CSMD1: variants seen among roughly 807,000 people sequenced by gnomAD.
CSMD1 encodes the protein CUB and Sushi multiple domains 1.
CSMD1 carries 213 observed loss-of-function variants against 417.5 expected under a neutral mutation model. The ratio of observed to expected loss-of-function variants is 0.51; its 90% CI spans 0.46 to 0.57. The LOEUF (loss-of-function observed/expected upper bound fraction) is 0.57, where lower values mean the gene tolerates loss of function less well. Ranked by LOEUF, CSMD1 falls within the 20% of genes least tolerant of loss-of-function variation. The pLI, the probability that CSMD1 is intolerant of heterozygous loss-of-function variation, is 0.00. For missense variants in CSMD1, 6,923 were observed against 4,529.7 expected, an observed-to-expected ratio of 1.53 and a Z score of -15.17; for synonymous variants, 2,862 against 1,736.8, an observed-to-expected ratio of 1.65 and a Z score of -16.11.
intron 5 of CSMD1, among the ~76,000 whole-genome samples, chr8:3,826,770 A>G (rs1380977383): frequency 6.6e-5 from 10 of 151,506 alleles, no homozygotes; most frequent in Admixed American, 5.2e-4. Flanking sequence ...AGCATTGAAC[A>G]TATTTTTATT....
At chr8:4,872,557 C>G (rs1008319210) in intron 1 of CSMD1, among the ~76,000 whole-genome samples, 4 of 152,014 alleles carry the variant, frequency 2.6e-5, no homozygotes, top group Non-Finnish European at 5.9e-5. Flanking sequence ...TTCCCCAACC[C>G]TGCAGAACTG....
chr8:3,799,896 T>C (rs574939734), intron 5 of CSMD1, among the ~76,000 whole-genome samples: 2 of 152,256 alleles, frequency 1.3e-5, no homozygotes, highest in African/African-American at 2.4e-5. Context: ...TGCTATATAA[T>C]TGAAAAATTA....
chr8:3,435,752 G>C (rs577292098), intron 12 of CSMD1, among the ~76,000 whole-genome samples: 1 of 152,072 alleles, frequency 6.6e-6, no homozygotes, highest in Non-Finnish European at 1.5e-5. Flanking sequence ...GTTCTTCCTC[G>C]AACAATGTGT....
intron 2 of CSMD1, among the ~76,000 whole-genome samples, chr8:4,588,655 G>A (rs557578059): frequency 1.6e-3 from 240 of 151,906 alleles, no homozygotes; most frequent in African/African-American, 5.6e-3. Context: ...CGTGGTGGCG[G>A]GCGCCTTTAG....
intron 3 of CSMD1, among the ~76,000 whole-genome samples, chr8:4,320,053 C>T (rs895823993): frequency 6.6e-6 from 1 of 152,046 alleles, no homozygotes; most frequent in South Asian, 2.1e-4. Context: ...GAGTAGTAAA[C>T]AAAAGACTTC....
intron 1 of CSMD1, among the ~76,000 whole-genome samples, chr8:4,711,981 A>T (rs2116867539): frequency 6.6e-6 from 1 of 152,320 alleles, no homozygotes; most frequent in African/African-American, 2.4e-5. Context: ...AACTCAAGTC[A>T]GTGATTTGAA....
At chr8:4,545,855 T>C (rs890164575) in intron 2 of CSMD1, among the ~76,000 whole-genome samples, 1 of 152,200 alleles carries the variant, frequency 6.6e-6, no homozygotes, top group African/African-American at 2.4e-5. Flanking sequence ...GGAAGATCAT[T>C]TCATCAGGTG....
At chr8:4,845,065 A>ACTGT (rs1563569912) in intron 1 of CSMD1, among the ~76,000 whole-genome samples, 1 of 84,588 alleles carries the variant, frequency 1.2e-5, no homozygotes, top group East Asian at 2.4e-3. Context: ...TAATGTAAAA[A>ACTGT]CTATCTATCT....
intron 3 of CSMD1, among the ~76,000 whole-genome samples, chr8:4,262,362 A>T (rs910511160): frequency 1.3e-5 from 2 of 152,166 alleles, no homozygotes; most frequent in African/African-American, 4.8e-5. Flanking sequence ...TTCCCAGGAC[A>T]CATAAGCAGG....
chr8:3,756,621 C>T (rs1206047775), intron 5 of CSMD1, among the ~76,000 whole-genome samples: 2 of 152,124 alleles, frequency 1.3e-5, no homozygotes, highest in Non-Finnish European at 2.9e-5. Flanking sequence ...TGTAAGTTTC[C>T]ATTTCATATG....
intron 10 of CSMD1, among the ~76,000 whole-genome samples, chr8:3,569,092 C>G (rs372304357): frequency 1.3e-5 from 2 of 152,138 alleles, no homozygotes; most frequent in African/African-American, 2.4e-5. Flanking sequence ...CATTGACTTT[C>G]TACCAGAATA....
chr8:3,492,571 G>C (rs951440958), intron 11 of CSMD1, among the ~76,000 whole-genome samples: 1 of 152,220 alleles, frequency 6.6e-6, no homozygotes, highest in Non-Finnish European at 1.5e-5. Context: ...CTTAAAAACA[G>C]AGAGGAAGTA....
At chr8:3,904,063 T>C (rs1807947725) in intron 5 of CSMD1, among the ~76,000 whole-genome samples, 1 of 152,180 alleles carries the variant, frequency 6.6e-6, no homozygotes, top group Non-Finnish European at 1.5e-5. Context: ...TTCCTGCAGG[T>C]GTGATATCTT....
intron 3 of CSMD1, among the ~76,000 whole-genome samples, chr8:4,200,980 C>G (rs1234104360): frequency 6.6e-6 from 1 of 152,154 alleles, no homozygotes; most frequent in Non-Finnish European, 1.5e-5. Context: ...TATTAGTTTA[C>G]TTTTTCTCCA....
chr8:4,021,487 C>T (rs1256055117), intron 4 of CSMD1, among the ~76,000 whole-genome samples: 1 of 152,174 alleles, frequency 6.6e-6, no homozygotes, highest in Non-Finnish European at 1.5e-5. Context: ...GCAGTTGAAT[C>T]CGCTACATCC....
chr8:3,321,197 C>G (rs1227832076), intron 23 of CSMD1, among the ~76,000 whole-genome samples: 1 of 152,050 alleles, frequency 6.6e-6, no homozygotes, highest in East Asian at 1.9e-4. Flanking sequence ...TAGTCTAAGC[C>G]TTCCTCACTG....
Position 3,108,800 on chromosome 8 carries a change from G to C in CSMD1, c.6609-52C>G, listed in dbSNP as rs543548188. On this transcript the variant is annotated intron_variant, in intron 43 of 69. Coordinates refer to ENST00000635120, the MANE Select transcript of CSMD1 (RefSeq NM_033225.6). Reference sequence around the variant, plus strand: ...GCTAAGGATATTTACTTCTGAGTGAGATTTATGGAAACTTTGGCTAATGAA... The same window carrying C: ...GCTAAGGATATTTACTTCTGAGTGACATTTATGGAAACTTTGGCTAATGAA... 38 of 1,537,914 alleles carry C rather than the reference G, an allele frequency of 2.5e-5. 1 individual carries two copies. Among genetic ancestry groups the C allele is most frequent in the South Asian group, 4.8e-5 (4 of 82,514 alleles).
intron 26 of CSMD1, among the ~76,000 whole-genome samples, chr8:3,231,536 G>A (rs557536844): frequency 6.6e-6 from 1 of 152,188 alleles, no homozygotes; most frequent in African/African-American, 2.4e-5. Flanking sequence ...CATATGGATA[G>A]ATAAATGGAA....
chr8:3,899,183 G>C (rs1807564787), intron 5 of CSMD1, among the ~76,000 whole-genome samples: 1 of 152,180 alleles, frequency 6.6e-6, no homozygotes, highest in African/African-American at 2.4e-5. Flanking sequence ...TACGGCCTAG[G>C]ACAGGAGGCC....
Sources: allele counts gnomAD v4.1 joint callset (sites outside exome capture counted in the v4.1 genomes callset), GRCh38; gene constraint gnomAD v4.1.1; transcripts MANE v1.5; gene names NCBI Gene and HGNC (gene_info 2026-07-23, HGNC 2026-07-21).